Variants in CEMIP observed in about 807,000 individuals in gnomAD.
CEMIP encodes cell migration-inducing and hyaluronan-binding protein.
A neutral mutation model predicts 156.9 loss-of-function variants in CEMIP; 105 were observed. That is an observed-to-expected ratio of 0.67 (90% CI 0.57 to 0.79). The LOEUF (loss-of-function observed/expected upper bound fraction) is 0.79. Among genes scored for constraint, CEMIP ranks in the 30% least tolerant of loss-of-function variants. The probability of loss-of-function intolerance (pLI) is 0.00; values close to 1 mark genes in which losing one functional copy is unlikely to be tolerated. For missense variants in CEMIP, 1,457 were observed against 1,769.4 expected (o/e 0.82, Z 3.17); for synonymous variants, 676 against 668.4 (o/e 1.01, Z -0.17).
At chr15:80,807,740 G>A (rs1234222724) in intron 1 of CEMIP, among the ~76,000 whole-genome samples, 1 of 152,234 alleles carries the variant, frequency 6.6e-6, no homozygotes, top group African/African-American at 2.4e-5. Flanking sequence ...CAGCACAGTG[G>A]CCTTCATTTA....
chr15:80,900,648 G>GTGTGTGTGTAT lies in CEMIP; in HGVS notation c.1411+4589_1411+4590insGTGTGTGTATT, dbSNP rs1567090991. ...TGTGTGTGTGTGTGTGTGTGTGTGT[G>GTGTGTGTGTAT]TCTGTGTGTGTGTCTGTGTGTGTGT... On this transcript the variant is annotated intron_variant, in intron 12 of 29. Coordinates refer to ENST00000394685, the MANE Select transcript of CEMIP (RefSeq NM_001293298.2). Among the ~76,000 whole-genome samples, 41 of 111,916 alleles carry GTGTGTGTGTAT rather than the reference G, an allele frequency of 3.7e-4. 1 individual carries two copies. Among genetic ancestry groups the GTGTGTGTGTAT allele is most frequent in the African/African-American group, 1.2e-3 (37 of 30,220 alleles). 73.4% of individuals were successfully genotyped at this position (111,916 alleles called of 152,430 possible).
chr15:80,834,730 G>T (rs1316362921), intron 1 of CEMIP, among the ~76,000 whole-genome samples: 1 of 152,140 alleles, frequency 6.6e-6, no homozygotes, highest in African/African-American at 2.4e-5. Flanking sequence ...CTTTGAGATT[G>T]TCTTTACTGT....
chr15:80,834,518 C>A (rs751563050), intron 1 of CEMIP, among the ~76,000 whole-genome samples: 4 of 152,240 alleles, frequency 2.6e-5, no homozygotes, highest in Admixed American at 6.5e-5. Flanking sequence ...GACTCAGCAA[C>A]TTTTATTGAA....
intron 1 of CEMIP, among the ~76,000 whole-genome samples, chr15:80,816,098 G>A (rs1437942612): frequency 6.6e-6 from 1 of 152,142 alleles, no homozygotes; most frequent in Admixed American, 6.5e-5. Context: ...TGAAAAGTCA[G>A]CGCTATTTTT....
chr15:80,815,960 G>A (rs1260017432), intron 1 of CEMIP, among the ~76,000 whole-genome samples: 1 of 152,146 alleles, frequency 6.6e-6, no homozygotes, highest in East Asian at 1.9e-4. Context: ...ACTTTTCCTG[G>A]GATGAGTCCA....
rs763732552 is a variant in CEMIP at position 80,928,954 on chromosome 15, T to C, written c.2456+17T>C. On this transcript the variant is annotated intron_variant, in intron 20 of 29. Coordinates refer to ENST00000394685, the MANE Select transcript of CEMIP (RefSeq NM_001293298.2). ...CCTGGCCAGGTAAGGGCAACTGTCA[T>C]TGTACTTGGTCCTCTGTGGGATCTT... 6.2e-7 allele frequency: 1 copy of C among 1,614,230 alleles called. No homozygotes were observed. The highest frequency in any genetic ancestry group is 8.5e-7 in the Non-Finnish European group (1 of 1,180,048).
chr15:80,875,124 C>G (rs984309625), intron 3 of CEMIP, among the ~76,000 whole-genome samples: 1 of 149,026 alleles, frequency 6.7e-6, no homozygotes. Flanking sequence ...GCCTCTACCT[C>G]CCGGGCTCAA....
chr15:80,943,759 C>T (rs990702381), intron 28 of CEMIP, among the ~76,000 whole-genome samples: 4 of 152,174 alleles, frequency 2.6e-5, no homozygotes, highest in Non-Finnish European at 5.9e-5. Context: ...CACTCTGCCC[C>T]GGCCTTTGCT....
At position 80,929,090 on chromosome 15, in the gene CEMIP, G is replaced by A; in HGVS notation, c.2528G>A (p.Gly843Asp). The change falls in exon 21 of 30, where the codon GGC becomes GAC. Residue 843 changes from glycine to aspartate, a missense_variant. Physicochemically the swap from Gly to Asp is moderately conservative, Grantham distance 94. This residue lies in a region of CEMIP where 798 missense variants were observed against 980.1 expected (regional missense o/e 0.81). Transcript: ENST00000394685. ...IKNSLFVGES[G>D]NVGTEMMDNR... ...AACAGCTTGTTTGTTGGCGAGAGTG[G>A]CAACGTGGGGACGGAAATGATGGAC... 1 of 1,614,230 alleles carries A rather than the reference G, an allele frequency of 6.2e-7. No individual in the cohort carries two copies. The highest frequency in any genetic ancestry group is 8.5e-7 in the Non-Finnish European group (1 of 1,180,042).
intron 1 of CEMIP, among the ~76,000 whole-genome samples, chr15:80,865,649 C>A (rs1898105872): frequency 6.9e-6 from 1 of 145,292 alleles, no homozygotes; most frequent in South Asian, 2.1e-4. Flanking sequence ...TATGCACAGC[C>A]CTTTTTTTTT....
At chr15:80,834,957 T>C (rs996460765) in intron 1 of CEMIP, among the ~76,000 whole-genome samples, 3 of 152,070 alleles carry the variant, frequency 2.0e-5, no homozygotes, top group Admixed American at 6.5e-5. Flanking sequence ...TTTTTTGCTT[T>C]AAAAAAAAGA....
At chr15:80,854,353 G>A (rs568525841) in intron 1 of CEMIP, among the ~76,000 whole-genome samples, 8 of 152,362 alleles carry the variant, frequency 5.3e-5, no homozygotes, top group South Asian at 2.1e-4. Flanking sequence ...TAAACCAAGC[G>A]TGGGCTGCAG....
intron 1 of CEMIP, among the ~76,000 whole-genome samples, chr15:80,846,790 C>T (rs149411764): frequency 1.2e-4 from 18 of 152,314 alleles, no homozygotes; most frequent in African/African-American, 4.3e-4. Context: ...AATGTGAAGT[C>T]CTAATTCCTG....
intron 1 of CEMIP, among the ~76,000 whole-genome samples, chr15:80,864,125 C>A (rs1372472273): frequency 2.0e-5 from 3 of 152,226 alleles, no homozygotes; most frequent in Non-Finnish European, 4.4e-5. Flanking sequence ...TTATCCGCCC[C>A]TGAATTCTCT....
intron 1 of CEMIP, among the ~76,000 whole-genome samples, chr15:80,838,063 G>T (rs909011063): frequency 6.6e-6 from 1 of 152,198 alleles, no homozygotes; most frequent in Non-Finnish European, 1.5e-5. Flanking sequence ...TCTCTATGCT[G>T]CTGTTCCCTG....
intron 1 of CEMIP, among the ~76,000 whole-genome samples, chr15:80,867,156 A>G (rs1898151403): frequency 3.3e-5 from 5 of 152,218 alleles, no homozygotes; most frequent in Admixed American, 3.3e-4. Context: ...AAGCAGCAAC[A>G]GCCTCCCCTG....
In CEMIP at chr15:80,845,389, C is replaced by T. The variant is rs140359340; in HGVS notation, c.-175-28149C>T. Among the ~76,000 whole-genome samples, 3 of 152,264 alleles carry T rather than the reference C, an allele frequency of 2.0e-5. No homozygotes were observed. In the East Asian group the frequency reaches 5.8e-4, roughly 29 times the overall value. On this transcript the variant is annotated intron_variant, in intron 1 of 29. Transcript: ENST00000394685. ...AAGGCTGCAGTGAGCAGTGATCACA[C>T]CACTGCATTCTAGCCTGGGCAACAA... is the stretch of plus-strand genomic sequence containing the variant.
At chr15:80,948,674 G>A (rs1292601243) in intron 29 of CEMIP, 123 bp from the exon 30 acceptor site, 2 of 1,280,816 alleles carry the variant, frequency 1.6e-6, no homozygotes, top group Non-Finnish European at 2.3e-6. Flanking sequence ...AGGGGCCACA[G>A]TGCAGTGTGG....
intron 19 of CEMIP, among the ~76,000 whole-genome samples, chr15:80,926,827 G>T (rs999299892): frequency 1.6e-5 from 2 of 123,654 alleles, no homozygotes; most frequent in Non-Finnish European, 3.3e-5. Flanking sequence ...GGTGGGGGGG[G>T]GGGGTCTTCT....
Sources: gnomAD v4.1 joint callset for allele counts (sites outside exome capture counted in the v4.1 genomes callset) on GRCh38, gnomAD v4.1.1 for gene constraint, gnomAD v4.1.1 regional missense constraint, MANE v1.5 for transcripts, NCBI Gene and HGNC (gene_info 2026-07-23, HGNC 2026-07-21) for gene names.